The following ELP1 variants were observed in gnomAD, a reference collection of about 807,000 sequenced individuals.
ELP1 encodes the protein elongator complex protein 1.
A neutral mutation model predicts 183.2 loss-of-function variants in ELP1; 131 were observed. That is an observed-to-expected ratio of 0.72 (90% CI 0.62 to 0.83). ELP1 has a LOEUF of 0.83. Among genes scored for constraint, ELP1 ranks in the 40% least tolerant of loss-of-function variants. The pLI, the probability that ELP1 is intolerant of heterozygous loss-of-function variation, is 0.00. For missense variants in ELP1, 1,550 were observed against 1,594.9 expected, an observed-to-expected ratio of 0.97 and a Z score of 0.48; for synonymous variants, 555 against 569.0, an observed-to-expected ratio of 0.98 and a Z score of 0.35.
At chr9:108,887,309 T>C (rs992257949) in intron 29 of ELP1, among the ~76,000 whole-genome samples, 7 of 152,304 alleles carry the variant, frequency 4.6e-5, no homozygotes, top group Middle Eastern at 3.4e-3. Flanking sequence ...AAGGCAAGGA[T>C]GTTCACTCTT....
intron 3 of ELP1, 72 bp from the exon 4 acceptor site, chr9:108,927,525 C>A: frequency 1.7e-6 from 2 of 1,183,808 alleles, no homozygotes; most frequent in Non-Finnish European, 2.5e-6. Flanking sequence ...CAACTTCAAT[C>A]AAAACAATTA....
rs753086038 is a variant in ELP1, at chr9:108,867,569, T to A, written c.*1546A>T. ...TCCAGTCTATCAGCATGGGTCCCTT[T>A]ACAGTTATCCAAAGCAAGAGCACTA... On this transcript the variant is annotated 3_prime_UTR_variant, in exon 37 of 37. Coordinates refer to ENST00000374647, the MANE Select transcript of ELP1 (RefSeq NM_003640.5). The A allele has an allele frequency of 6.6e-6, 1 of 152,226 alleles. No individual in the cohort carries two copies. The highest frequency in any genetic ancestry group is 1.5e-5 in the Non-Finnish European group (1 of 68,040). 9.4% of individuals were successfully genotyped at this position (152,226 alleles called of 1,614,324 possible). A position where few individuals can be genotyped will look rare whatever the true frequency, so the allele number is the denominator to read the frequency against.
At chr9:108,873,793 GGAGGAT>G (rs1490545021) in intron 36 of ELP1, among the ~76,000 whole-genome samples, 2 of 152,202 alleles carry the variant, frequency 1.3e-5, no homozygotes, top group Non-Finnish European at 2.9e-5. Flanking sequence ...GGCCGAGGCA[GGAGGAT>G]CACTTGAGAC....
chr9:108,926,216 C>T (rs1829819868), intron 5 of ELP1, among the ~76,000 whole-genome samples: 1 of 152,164 alleles, frequency 6.6e-6, no homozygotes, highest in Non-Finnish European at 1.5e-5. Context: ...TTCTTTTCTT[C>T]TCCCTAAAAC....
intron 20 of ELP1, among the ~76,000 whole-genome samples, chr9:108,899,039 G>A (rs1828666924): frequency 1.3e-5 from 2 of 152,058 alleles, no homozygotes; most frequent in South Asian, 4.1e-4. Context: ...GTTCACACCT[G>A]TAATCCTAGC....
intron 14 of ELP1, 57 bp from the exon 15 acceptor site, chr9:108,903,726 C>A: frequency 8.2e-7 from 1 of 1,225,196 alleles, no homozygotes; most frequent in Non-Finnish European, 1.2e-6. Flanking sequence ...AAAATAGTGA[C>A]ATTTCACTGA....
At chr9:108,924,658 T>G (rs1829770024) in intron 5 of ELP1, among the ~76,000 whole-genome samples, 3 of 152,204 alleles carry the variant, frequency 2.0e-5, no homozygotes, top group Admixed American at 2.0e-4. Flanking sequence ...TTCCCAAAAC[T>G]GTCAGAATTT....
rs771339771 is a variant in ELP1 at position 108,879,501 on chromosome 9, C to T, written c.3517G>A (p.Val1173Met). Reference protein sequence around the residue: ...SDLFSETSSVVSGSEMSGKYS... With the variant: ...SDLFSETSSVMSGSEMSGKYS... ...TTGCCACTCATCTCACTGCCACTCA[C>T]GACACTGCTAGTTTCAGAGAAGAGG... The change falls in exon 33 of 37, where the codon GTG becomes ATG. Residue 1173 changes from valine (V) to methionine (M), a missense_variant. Coordinates refer to ENST00000374647, the MANE Select transcript of ELP1 (RefSeq NM_003640.5). 1.1e-5 allele frequency: 18 copies of T among 1,614,144 alleles called. No homozygotes were observed. The East Asian group carries it at 1.3e-4, about 12-fold the overall frequency.
At position 108,927,415 on chromosome 9, in the gene ELP1, A is replaced by C; in HGVS notation, c.342T>G (p.Val114=). ...GCTCTTGGTCAGGACTCCAACTCAT[A>C]ACAGAGATACCACTGGCTACACTCC... ...CVGSVASGIS[V]MSWSPDQELV... is the part of the protein sequence containing the mutation. Residue 114 remains valine (V), a synonymous_variant, in exon 4 of 37, where the codon GTT becomes GTG. Transcript: ENST00000374647. 1 of 1,613,968 alleles carries C rather than the reference A, an allele frequency of 6.2e-7. No individual in the cohort carries two copies. The highest frequency in any genetic ancestry group is 1.1e-5 in the South Asian group (1 of 91,082).
At chr9:108,931,226 T>C (rs1829995564) in intron 1 of ELP1, 25 bp from the exon 2 acceptor site, 2 of 1,280,978 alleles carry the variant, frequency 1.6e-6, no homozygotes, top group Non-Finnish European at 1.1e-6. Flanking sequence ...AATAGCTTAA[T>C]AGTGATAAAT....
At chr9:108,932,272 T>G (rs1390582260) in intron 1 of ELP1, among the ~76,000 whole-genome samples, 3 of 152,146 alleles carry the variant, frequency 2.0e-5, no homozygotes, top group African/African-American at 7.2e-5. Context: ...AGACAATGAT[T>G]TTAGTAAGTT....
At chr9:108,878,339 C>T (rs1827780562) in intron 34 of ELP1, among the ~76,000 whole-genome samples, 190 bp from the exon 35 acceptor site, 1 of 152,144 alleles carries the variant, frequency 6.6e-6, no homozygotes, top group Admixed American at 6.5e-5. Context: ...ATCAAGCACG[C>T]TGGGGGGCCT....
intron 36 of ELP1, among the ~76,000 whole-genome samples, chr9:108,869,943 A>G (rs1305273015): frequency 6.6e-6 from 1 of 151,210 alleles, no homozygotes; most frequent in African/African-American, 2.4e-5. Flanking sequence ...ATGGGTGCGG[A>G]CCCCCCTGCA....
chr9:108,900,032 T>A, intron 19 of ELP1, 137 bp from the exon 20 acceptor site: 1 of 858,374 alleles, frequency 1.2e-6, no homozygotes, highest in East Asian at 2.6e-5. Flanking sequence ...AGAATCTTGT[T>A]GTTCTCTATA....
intron 10 of ELP1, among the ~76,000 whole-genome samples, chr9:108,915,193 G>C (rs1489284407): frequency 2.6e-5 from 4 of 152,152 alleles, no homozygotes; most frequent in Non-Finnish European, 4.4e-5. Context: ...CCTTTGGTTA[G>C]TGTTTTTTCT....
intron 36 of ELP1, among the ~76,000 whole-genome samples, chr9:108,870,888 TC>T (rs1827424076): frequency 6.6e-6 from 1 of 152,092 alleles, no homozygotes; most frequent in Admixed American, 6.6e-5. Flanking sequence ...CATCAAGTCA[TC>T]TTCTGTTAAT....
chr9:108,933,879 C>G lies in ELP1; in HGVS notation c.-71G>C, dbSNP rs2275639. Reference sequence around the variant, plus strand: ...GATCGCTTACCTGAGGACCCCCAAACAGAGGTGCGTCCGGCCTCGCCTCCC... The same window carrying G: ...GATCGCTTACCTGAGGACCCCCAAAGAGAGGTGCGTCCGGCCTCGCCTCCC... On this transcript the variant is annotated 5_prime_UTR_variant, in exon 1 of 37. Coordinates refer to ENST00000374647, the MANE Select transcript of ELP1 (RefSeq NM_003640.5). The G allele has an allele frequency of 0.052, 8,213 of 156,866 alleles. 333 individuals are homozygous for G. The highest frequency in any genetic ancestry group is 0.12 in the East Asian group (630 of 5,198). 9.7% of individuals were successfully genotyped at this position (156,866 alleles called of 1,614,324 possible).
chr9:108,872,817 A>AC (rs1827529727), intron 36 of ELP1, among the ~76,000 whole-genome samples: 1 of 63,244 alleles, frequency 1.6e-5, no homozygotes, highest in Non-Finnish European at 4.8e-5. Flanking sequence ...AAAAAAAAAA[A>AC]AAAAAAAAAA....
At chr9:108,881,808 G>A in intron 30 of ELP1, 43 bp from the exon 31 acceptor site, 1 of 1,142,936 alleles carries the variant, frequency 8.7e-7, no homozygotes, top group South Asian at 1.2e-5. Flanking sequence ...AAAACTTCTA[G>A]TCACTGGAGA....
Sources: allele counts gnomAD v4.1 joint callset (sites outside exome capture counted in the v4.1 genomes callset), GRCh38; gene constraint gnomAD v4.1.1; transcripts MANE v1.5; gene names NCBI Gene and HGNC (gene_info 2026-07-23, HGNC 2026-07-21).